Variants in CWH43 observed in about 807,000 individuals in gnomAD.
CWH43 encodes PGAP2-interacting protein.
A neutral mutation model predicts 85.7 loss-of-function variants in CWH43; 91 were observed. The observed-to-expected ratio is 1.06, with a 90% confidence interval of 0.90 to 1.26. The LOEUF (loss-of-function observed/expected upper bound fraction) is 1.26. Ranked by LOEUF, CWH43 falls within the 50% of genes most tolerant of loss-of-function variation. CWH43 has a pLI of 0.00. For missense variants in CWH43, 869 were observed against 839.2 expected (o/e 1.04, Z -0.44); for synonymous variants, 323 against 293.6 (o/e 1.10, Z -1.02).
At position 48,986,343 on chromosome 4, in the gene CWH43, C is replaced by G; in HGVS notation, c.-87C>G. 1 of 1,309,342 alleles carries G rather than the reference C, an allele frequency of 7.6e-7. No individual in the cohort carries two copies. The allele number at this position is 1,309,342 out of a possible 1,614,324, so 81.1% of individuals were successfully genotyped here. A position where few individuals can be genotyped will look rare whatever the true frequency, so the allele number is the denominator to read the frequency against. The stretch of plus-strand genomic sequence containing the variant: ...GCGCGGACGCAGGCCCGGGAGGACG[C>G]GGCGGCGGGAACCTGGGGGCGCAGG... On this transcript the variant is annotated 5_prime_UTR_variant, in exon 1 of 16. Coordinates refer to ENST00000226432, the MANE Select transcript of CWH43 (RefSeq NM_025087.3).
At chr4:48,993,970 C>G (rs183548521) in intron 4 of CWH43, among the ~76,000 whole-genome samples, 15 of 152,102 alleles carry the variant, frequency 9.9e-5, no homozygotes, top group African/African-American at 3.1e-4. Flanking sequence ...CCATGTTGGC[C>G]AGGCTGGTTT....
chr4:49,021,645 G>A (rs531404647), intron 9 of CWH43, among the ~76,000 whole-genome samples: 1 of 152,130 alleles, frequency 6.6e-6, no homozygotes, highest in Admixed American at 6.5e-5. Flanking sequence ...TTGGCAGTAG[G>A]GTTATTTTCA....
At position 49,003,863 on chromosome 4, in the gene CWH43, A is replaced by G; in HGVS notation, c.931A>G (p.Asn311Asp). 1 of 1,612,982 alleles carries G rather than the reference A, an allele frequency of 6.2e-7. No homozygotes were observed. The highest frequency in any genetic ancestry group is 8.5e-7 in the Non-Finnish European group (1 of 1,178,994). ...TGGACACCTTATTAACTCAGGGACA[A>G]ACCCTGGGAAAACCATGACCATTGC... is the stretch of plus-strand genomic sequence containing the variant. ...TLGHLINSGT[N>D]PGKTMTIAMI... Residue 311 changes from asparagine to aspartate, a missense_variant, in exon 7 of 16, where the codon AAC becomes GAC. Physicochemically the swap from Asn to Asp is conservative, Grantham distance 23 (BLOSUM62 1). Transcript: ENST00000226432.
intron 8 of CWH43, among the ~76,000 whole-genome samples, chr4:49,008,857 A>G (rs1025698428): frequency 6.6e-6 from 1 of 152,202 alleles, no homozygotes; most frequent in Non-Finnish European, 1.5e-5. Flanking sequence ...TATGAGTACC[A>G]TGCTGTTTTG....
chr4:49,017,223 C>A (rs765567869), intron 8 of CWH43, 26 bp from the exon 9 acceptor site: 17 of 1,573,772 alleles, frequency 1.1e-5, no homozygotes, highest in Admixed American at 5.3e-5. Flanking sequence ...TTTAAAAAAA[C>A]CCAATTATTT....
intron 9 of CWH43, among the ~76,000 whole-genome samples, chr4:49,018,470 C>G (rs1052088454): frequency 6.6e-6 from 1 of 152,176 alleles, no homozygotes; most frequent in East Asian, 1.9e-4. Context: ...TTTAGGAAAA[C>G]TCTTACAGAT....
intron 9 of CWH43, among the ~76,000 whole-genome samples, chr4:49,022,400 C>T (rs570672283): frequency 2.6e-5 from 4 of 152,222 alleles, no homozygotes; most frequent in African/African-American, 9.6e-5. Flanking sequence ...ATATGAAACC[C>T]ACTTGATCAT....
intron 7 of CWH43, among the ~76,000 whole-genome samples, chr4:49,004,196 G>A (rs567227094): frequency 2.6e-5 from 4 of 152,216 alleles, no homozygotes; most frequent in Admixed American, 6.5e-5. Flanking sequence ...ATTTACCAGC[G>A]CATTTCTGTA....
At chr4:49,055,642 T>C (rs1462682726) in intron 15 of CWH43, among the ~76,000 whole-genome samples, 1 of 151,748 alleles carries the variant, frequency 6.6e-6, no homozygotes, top group African/African-American at 2.4e-5. Flanking sequence ...CATGCTGGAA[T>C]GCAATGGCAC....
intron 15 of CWH43, among the ~76,000 whole-genome samples, chr4:49,057,496 G>A (rs190800241): frequency 5.3e-5 from 8 of 152,280 alleles, no homozygotes; most frequent in African/African-American, 1.4e-4. Context: ...TGCCCTAAGC[G>A]GTTCCCAGCT....
intron 15 of CWH43, 118 bp downstream of exon 15, chr4:49,050,967 AG>A: frequency 1.5e-6 from 1 of 684,030 alleles, no homozygotes. Flanking sequence ...ATTCCAGGTA[AG>A]GGAGACTGTG....
chr4:49,019,041 T>C (rs1783651951), intron 9 of CWH43, among the ~76,000 whole-genome samples: 1 of 152,218 alleles, frequency 6.6e-6, no homozygotes, highest in Non-Finnish European at 1.5e-5. Context: ...TACCTGTTCT[T>C]TTGGTCATTT....
At chr4:49,056,164 T>C (rs1234731824) in intron 15 of CWH43, among the ~76,000 whole-genome samples, 1 of 142,870 alleles carries the variant, frequency 7.0e-6, no homozygotes, top group East Asian at 2.1e-4. Context: ...GAATATGCGG[T>C]GTTTGGTTTT....
At chr4:49,005,656 T>A (rs1439796147) in intron 7 of CWH43, among the ~76,000 whole-genome samples, 2 of 146,104 alleles carry the variant, frequency 1.4e-5, no homozygotes, top group Non-Finnish European at 3.0e-5. Context: ...AGCTCCCCCC[T>A]CAACCTCCCA....
chr4:49,007,578 A>G (rs1195535154), intron 8 of CWH43, among the ~76,000 whole-genome samples: 1 of 152,056 alleles, frequency 6.6e-6, no homozygotes, highest in South Asian at 2.1e-4. Flanking sequence ...TGGACCCATC[A>G]ACTCGTCATT....
chr4:49,058,694 C>T (rs1257118995), intron 15 of CWH43, among the ~76,000 whole-genome samples: 1 of 152,178 alleles, frequency 6.6e-6, no homozygotes, highest in Non-Finnish European at 1.5e-5. Context: ...TTGGGAAAGT[C>T]CTTACCTTTC....
At position 48,998,352 on chromosome 4, in the gene CWH43, C is replaced by T. The variant is rs552006244; in HGVS notation, c.714-108C>T. The T allele has an allele frequency of 3.4e-4, 277 of 810,910 alleles. 1 individual carries two copies. In the South Asian group the frequency reaches 4.1e-3, roughly 12 times the overall value. 50.2% of individuals were successfully genotyped at this position (810,910 alleles called of 1,614,324 possible). ...ATGATCTCACTGGTTGTTTCACACA[C>T]GTTATCTCTTATATGTACCCAGAGG... is the stretch of plus-strand genomic sequence containing the variant. On this transcript the variant is annotated intron_variant, in intron 5 of 15. Transcript: ENST00000226432.
At chr4:49,030,620 A>G (rs544031534) in intron 10 of CWH43, among the ~76,000 whole-genome samples, 2 of 152,280 alleles carry the variant, frequency 1.3e-5, no homozygotes, top group Admixed American at 1.3e-4. Flanking sequence ...GAGGTGTTTC[A>G]TGTTTTAATT....
At chr4:49,030,178 G>A (rs1324077450) in intron 10 of CWH43, among the ~76,000 whole-genome samples, 4 of 152,140 alleles carry the variant, frequency 2.6e-5, no homozygotes, top group Non-Finnish European at 4.4e-5. Flanking sequence ...AGTGCTCCGG[G>A]GTGCTCATTT....
Sources: gnomAD v4.1 joint callset for allele counts (sites outside exome capture counted in the v4.1 genomes callset) on GRCh38, gnomAD v4.1.1 for gene constraint, MANE v1.5 for transcripts, NCBI Gene and HGNC (gene_info 2026-07-23, HGNC 2026-07-21) for gene names.